FRMD5: variants seen among roughly 807,000 people sequenced by gnomAD.
The protein encoded by FRMD5 is FERM domain-containing protein 5.
A neutral mutation model predicts 69.0 loss-of-function variants in FRMD5; 20 were observed. The ratio of observed to expected loss-of-function variants is 0.29; its 90% CI spans 0.20 to 0.42. The LOEUF is 0.42. Ranked by LOEUF, FRMD5 falls within the 10% of genes least tolerant of loss-of-function variation. The pLI is 1.00. For synonymous variants in FRMD5, 271 were observed against 260.1 expected, an observed-to-expected ratio of 1.04 and a Z score of -0.40; for missense variants, 595 against 708.6, an observed-to-expected ratio of 0.84 and a Z score of 1.82.
In FRMD5 at chr15:44,146,818, C is replaced by T. The variant is rs554193901; in HGVS notation, c.102+48135G>A. ...TCTTTTAAGAAGTATCTGTTCATGT[C>T]CTTTGGCCACTTTTTAATGGGGTTG... On this transcript the variant is annotated intron_variant, in intron 1 of 13. Transcript: ENST00000417257. 6.6e-5 allele frequency among the ~76,000 whole-genome samples: 10 copies of T among 151,980 alleles called. No individual in the cohort carries two copies. In the South Asian group the frequency reaches 2.1e-3, roughly 32 times the overall value.
chr15:43,984,092 T>C (rs978894431), intron 1 of FRMD5, among the ~76,000 whole-genome samples: 4 of 152,182 alleles, frequency 2.6e-5, no homozygotes, highest in African/African-American at 7.2e-5. Flanking sequence ...AGCATTAACG[T>C]TGCTATTATA....
At chr15:44,184,391 T>A (rs1162623452) in intron 1 of FRMD5, among the ~76,000 whole-genome samples, 1 of 152,250 alleles carries the variant, frequency 6.6e-6, no homozygotes, top group African/African-American at 2.4e-5. Flanking sequence ...AGTTTCAAGA[T>A]GTCATTTTAT....
In FRMD5 at chr15:44,009,830, T is replaced by C. The variant is rs1198587163; in HGVS notation, c.103-85521A>G. 4.6e-5 allele frequency among the ~76,000 whole-genome samples: 7 copies of C among 152,090 alleles called. No individual in the cohort carries two copies. The East Asian group carries it at 1.3e-3, about 29-fold the overall frequency. ...TCCCAGGCTTAAGGGGAAAAGGTAATATTTATTACCCTTAAAGTTCCCTGT... is the reference window on the plus strand; with the variant it reads ...TCCCAGGCTTAAGGGGAAAAGGTAACATTTATTACCCTTAAAGTTCCCTGT... On this transcript the variant is annotated intron_variant, in intron 1 of 13. Coordinates refer to ENST00000417257, the MANE Select transcript of FRMD5 (RefSeq NM_032892.5).
chr15:44,015,478 T>C (rs1357375126), intron 1 of FRMD5, among the ~76,000 whole-genome samples: 1 of 152,182 alleles, frequency 6.6e-6, no homozygotes, highest in Non-Finnish European at 1.5e-5. Context: ...CTTCTAATAA[T>C]GAGAAGAATA....
chr15:44,077,478 C>G (rs186144018), intron 1 of FRMD5, among the ~76,000 whole-genome samples: 233 of 152,114 alleles, frequency 1.5e-3, no homozygotes, highest in Middle Eastern at 3.4e-3. Context: ...TGATAAATAA[C>G]TGCAAGATTA....
At chr15:44,005,057 A>ACCTCT (rs1307627902) in intron 1 of FRMD5, among the ~76,000 whole-genome samples, 1 of 152,256 alleles carries the variant, frequency 6.6e-6, no homozygotes, top group African/African-American at 2.4e-5. Context: ...GCAAGGCCTT[A>ACCTCT]CCTCTCAATT....
At position 44,195,064 on chromosome 15, in the gene FRMD5, C is replaced by A; in HGVS notation, c.-10G>T. On this transcript the variant is annotated 5_prime_UTR_variant, in exon 1 of 14. Coordinates refer to ENST00000417257, the MANE Select transcript of FRMD5 (RefSeq NM_032892.5). The stretch of plus-strand genomic sequence containing the variant: ...TCAACCTGCTCAGCATCTTCCCGCC[C>A]GCCCGCCCGGGAGCGACGCGGCGGC... The A allele has an allele frequency of 6.6e-7, 1 of 1,515,234 alleles. No homozygotes were observed. 93.9% of individuals were successfully genotyped at this position (1,515,234 alleles called of 1,614,324 possible).
chr15:43,888,323 G>A, intron 9 of FRMD5, 57 bp from the exon 10 acceptor site: 2 of 1,241,382 alleles, frequency 1.6e-6, no homozygotes, highest in South Asian at 1.2e-5. Flanking sequence ...AAAGGGTGAA[G>A]TAGGCGAGGA....
chr15:44,071,888 C>T (rs550620630), intron 1 of FRMD5, among the ~76,000 whole-genome samples: 3 of 152,196 alleles, frequency 2.0e-5, no homozygotes, highest in Admixed American at 1.3e-4. Context: ...GATGCTGAGA[C>T]GGAATCTTGC....
intron 1 of FRMD5, among the ~76,000 whole-genome samples, chr15:44,002,691 T>C (rs1890264956): frequency 6.6e-6 from 1 of 152,172 alleles, no homozygotes; most frequent in East Asian, 1.9e-4. Flanking sequence ...TTCCATACAA[T>C]GTCTGGAATC....
At chr15:44,087,346 C>G (rs941976267) in intron 1 of FRMD5, among the ~76,000 whole-genome samples, 1 of 152,136 alleles carries the variant, frequency 6.6e-6, no homozygotes, top group African/African-American at 2.4e-5. Context: ...GTAAGTAGAA[C>G]TCACAAAGAG....
chr15:44,100,735 A>G (rs1392615622), intron 1 of FRMD5, among the ~76,000 whole-genome samples: 1 of 152,182 alleles, frequency 6.6e-6, no homozygotes, highest in Non-Finnish European at 1.5e-5. Context: ...TGAGACTAAG[A>G]TTCTTTTTCT....
At chr15:43,946,054 C>CAA (rs745917945) in intron 1 of FRMD5, among the ~76,000 whole-genome samples, 2 of 136,100 alleles carry the variant, frequency 1.5e-5, no homozygotes, top group Admixed American at 7.5e-5. Context: ...GACTCTGTCT[C>CAA]AAAAAAAAAA....
chr15:44,053,988 A>G (rs780485778), intron 1 of FRMD5, among the ~76,000 whole-genome samples: 2 of 152,234 alleles, frequency 1.3e-5, no homozygotes, highest in African/African-American at 2.4e-5. Context: ...AAACGTCATC[A>G]CATGTGTGAA....
At chr15:44,102,587 A>T (rs1443283651) in intron 1 of FRMD5, among the ~76,000 whole-genome samples, 1 of 152,242 alleles carries the variant, frequency 6.6e-6, no homozygotes, top group Non-Finnish European at 1.5e-5. Context: ...GCTTGGAATT[A>T]AATATAGTGT....
chr15:43,997,985 T>C (rs888702809), intron 1 of FRMD5, among the ~76,000 whole-genome samples: 10 of 152,230 alleles, frequency 6.6e-5, no homozygotes, highest in Non-Finnish European at 1.3e-4. Flanking sequence ...GTATACAACA[T>C]GATGTTATAT....
intron 1 of FRMD5, among the ~76,000 whole-genome samples, chr15:43,976,688 C>T (rs1039526088): frequency 6.6e-6 from 1 of 152,080 alleles, no homozygotes; most frequent in Non-Finnish European, 1.5e-5. Flanking sequence ...ATTTTTGAGA[C>T]GGAGTTTTGC....
At chr15:44,056,256 A>C (rs1267529729) in intron 1 of FRMD5, among the ~76,000 whole-genome samples, 1 of 152,234 alleles carries the variant, frequency 6.6e-6, no homozygotes, top group Non-Finnish European at 1.5e-5. Flanking sequence ...AAAATTAAAG[A>C]TACCCAGGAG....
At chr15:44,036,870 A>G (rs1293757640) in intron 1 of FRMD5, among the ~76,000 whole-genome samples, 1 of 152,064 alleles carries the variant, frequency 6.6e-6, no homozygotes, top group African/African-American at 2.4e-5. Flanking sequence ...CTTCTTCCCT[A>G]CTTGGTCACT....
Sources: allele counts gnomAD v4.1 joint callset (sites outside exome capture counted in the v4.1 genomes callset), GRCh38; gene constraint gnomAD v4.1.1; transcripts MANE v1.5; gene names NCBI Gene and HGNC (gene_info 2026-07-23, HGNC 2026-07-21).